The following MARCHF1 variants were observed in gnomAD, a reference collection of about 807,000 sequenced individuals.
MARCHF1 encodes membrane associated ring-CH-type finger 1.
Under a neutral mutation model 54.2 loss-of-function variants are expected in MARCHF1, and 40 were observed. The observed-to-expected ratio is 0.74, with a 90% CI of 0.57 to 0.96. The LOEUF (loss-of-function observed/expected upper bound fraction) is 0.96. Among genes scored for constraint, MARCHF1 ranks in the 40% least tolerant of loss-of-function variants. The probability of loss-of-function intolerance (pLI) is 0.00; values close to 1 mark genes in which losing one functional copy is unlikely to be tolerated. For synonymous variants in MARCHF1, 236 were observed against 236.3 expected (o/e 1.00, Z 0.01); for missense variants, 586 against 656.5 (o/e 0.89, Z 1.17).
intron 2 of MARCHF1, among the ~76,000 whole-genome samples, chr4:164,054,485 C>T (rs1320077298): frequency 1.4e-4 from 22 of 152,154 alleles, no homozygotes; most frequent in Admixed American, 2.0e-4. Flanking sequence ...CGTATGTTTA[C>T]TGTGGCATTA....
chr4:163,972,802 C>A (rs1752574242), intron 3 of MARCHF1, among the ~76,000 whole-genome samples: 1 of 151,712 alleles, frequency 6.6e-6, no homozygotes, highest in Non-Finnish European at 1.5e-5. Flanking sequence ...CGTGATCCAC[C>A]TGCCTCGGCC....
Position 163,552,629 on chromosome 4 carries a change from G to T in MARCHF1, c.1192-6886C>A, listed in dbSNP as rs570324603. Among the ~76,000 whole-genome samples the T allele has an allele frequency of 9.4e-4, 143 of 152,232 alleles. 1 individual carries two copies. Among genetic ancestry groups the T allele is most frequent in the African/African-American group, 3.4e-3 (141 of 41,538 alleles). On this transcript the variant is annotated intron_variant, in intron 8 of 9. Transcript: ENST00000514618. The stretch of plus-strand genomic sequence containing the variant: ...TTAGCTGTTTGACAGGATCATTTGG[G>T]GCATCAAGTTCCCTATAGACACACT...
intron 5 of MARCHF1, among the ~76,000 whole-genome samples, chr4:163,633,268 G>A (rs1301386184): frequency 6.6e-6 from 1 of 152,218 alleles, no homozygotes; most frequent in African/African-American, 2.4e-5. Flanking sequence ...CGAGCTGAGA[G>A]AAGAAGGCTT....
At chr4:163,758,055 GT>G (rs1342188324) in intron 4 of MARCHF1, among the ~76,000 whole-genome samples, 2 of 152,264 alleles carry the variant, frequency 1.3e-5, no homozygotes, top group East Asian at 1.9e-4. Flanking sequence ...AAAGCTAGAA[GT>G]TTTATTCATT....
At chr4:163,908,300 A>C (rs1001335224) in intron 3 of MARCHF1, among the ~76,000 whole-genome samples, 1 of 152,182 alleles carries the variant, frequency 6.6e-6, no homozygotes, top group African/African-American at 2.4e-5. Flanking sequence ...TATGACATGC[A>C]GCATGTTTGC....
At chr4:164,030,602 G>T (rs188840451) in intron 2 of MARCHF1, among the ~76,000 whole-genome samples, 1 of 152,264 alleles carries the variant, frequency 6.6e-6, no homozygotes, top group African/African-American at 2.4e-5. Context: ...ACAACTTTGT[G>T]CTATGTCTGC....
chr4:163,953,287 T>A lies in MARCHF1; in HGVS notation c.-39+35214A>T, dbSNP rs1382232084. 3.3e-5 allele frequency among the ~76,000 whole-genome samples: 5 copies of A among 152,294 alleles called. No individual in the cohort carries two copies. In the East Asian group the frequency reaches 9.6e-4, roughly 29 times the overall value. On this transcript the variant is annotated intron_variant, in intron 3 of 9. Transcript: ENST00000514618. Reference sequence around the variant, plus strand: ...GATACAATGTAAAATATTTCAGGATTTGGCGTCAGACTTGGATTATTTCTA... The same window carrying A: ...GATACAATGTAAAATATTTCAGGATATGGCGTCAGACTTGGATTATTTCTA...
At chr4:164,358,247 C>G (rs974251611) in intron 1 of MARCHF1, among the ~76,000 whole-genome samples, 9 of 152,086 alleles carry the variant, frequency 5.9e-5, no homozygotes, top group African/African-American at 2.2e-4. Context: ...ACCAGGAGGC[C>G]ACAGCATCCT....
At chr4:163,901,566 G>C (rs761896222) in intron 3 of MARCHF1, among the ~76,000 whole-genome samples, 4 of 152,134 alleles carry the variant, frequency 2.6e-5, no homozygotes, top group African/African-American at 4.8e-5. Flanking sequence ...ACTGCACACA[G>C]AGAGTTTTAA....
chr4:163,849,432 A>G (rs1749581577), intron 4 of MARCHF1, among the ~76,000 whole-genome samples: 1 of 152,208 alleles, frequency 6.6e-6, no homozygotes, highest in African/African-American at 2.4e-5. Context: ...GGGTGACAGC[A>G]AAATAGTAAT....
chr4:163,689,519 TTA>T (rs373111081), intron 5 of MARCHF1, among the ~76,000 whole-genome samples: 154 of 152,346 alleles, frequency 1.0e-3, no homozygotes, highest in African/African-American at 3.5e-3. Context: ...ATTGAAGAAC[TTA>T]TTTTTAAAAT....
chr4:163,892,130 A>T (rs1319754423), intron 3 of MARCHF1, among the ~76,000 whole-genome samples: 2 of 152,206 alleles, frequency 1.3e-5, no homozygotes, highest in Non-Finnish European at 2.9e-5. Context: ...ACTCAACTAG[A>T]TTCACATTTT....
chr4:164,067,806 T>C (rs1579506619), intron 2 of MARCHF1, among the ~76,000 whole-genome samples: 1 of 152,090 alleles, frequency 6.6e-6, no homozygotes, highest in East Asian at 1.9e-4. Context: ...GGAGAAAATA[T>C]TCTTAAACTA....
chr4:164,126,799 G>A (rs1444792145), intron 1 of MARCHF1, among the ~76,000 whole-genome samples: 1 of 152,176 alleles, frequency 6.6e-6, no homozygotes, highest in Non-Finnish European at 1.5e-5. Context: ...GCTCATGCCT[G>A]TAATCCCAAC....
chr4:163,714,127 A>G (rs113958314), intron 4 of MARCHF1, among the ~76,000 whole-genome samples: 4 of 152,214 alleles, frequency 2.6e-5, no homozygotes, highest in African/African-American at 4.8e-5. Flanking sequence ...TAGAAATATT[A>G]TACACACAGG....
rs1395879124 is a variant in MARCHF1, at chr4:163,988,615, G to C, written c.-153C>G. The C allele has an allele frequency of 6.6e-6, 1 of 152,266 alleles. No homozygotes were observed. Among genetic ancestry groups the C allele is most frequent in the Non-Finnish European group, 1.5e-5 (1 of 68,090 alleles). 9.4% of individuals were successfully genotyped at this position (152,266 alleles called of 1,614,324 possible). A position where few individuals can be genotyped will look rare whatever the true frequency, so the allele number is the denominator to read the frequency against. ...GGAGGGGCATATTGGCAGGGCTGCAGGTGGCCAATCCCTGATTGGATGCCT... is the reference window on the plus strand; with the variant it reads ...GGAGGGGCATATTGGCAGGGCTGCACGTGGCCAATCCCTGATTGGATGCCT... On this transcript the variant is annotated 5_prime_UTR_variant, in exon 3 of 10. Transcript: ENST00000514618.
At chr4:163,909,647 C>A (rs982426280) in intron 3 of MARCHF1, among the ~76,000 whole-genome samples, 26 of 152,108 alleles carry the variant, frequency 1.7e-4, no homozygotes, top group African/African-American at 6.3e-4. Flanking sequence ...AAAATAAAGT[C>A]TTATCTTCCA....
chr4:163,550,880 T>A (rs1051774241), intron 8 of MARCHF1, among the ~76,000 whole-genome samples: 1 of 152,220 alleles, frequency 6.6e-6, no homozygotes, highest in African/African-American at 2.4e-5. Context: ...CCCAGTATTT[T>A]GAGCCCCACA....
At chr4:164,228,669 C>T (rs1224986646) in intron 1 of MARCHF1, among the ~76,000 whole-genome samples, 1 of 152,090 alleles carries the variant, frequency 6.6e-6, no homozygotes, top group Non-Finnish European at 1.5e-5. Flanking sequence ...TTTATTTACC[C>T]TCAAATATTA....
Sources: allele counts gnomAD v4.1 joint callset (sites outside exome capture counted in the v4.1 genomes callset), GRCh38; gene constraint gnomAD v4.1.1; transcripts MANE v1.5; gene names NCBI Gene and HGNC (gene_info 2026-07-23, HGNC 2026-07-21).